RGS6: variants seen among roughly 807,000 people sequenced by gnomAD.
The protein encoded by RGS6 is regulator of G-protein signaling 6.
RGS6 carries 30 observed loss-of-function variants against 78.5 expected under a neutral mutation model. That is an observed-to-expected ratio of 0.38 (90% CI 0.29 to 0.52). The LOEUF (loss-of-function observed/expected upper bound fraction) is 0.52, where lower values mean the gene tolerates loss of function less well. Ranked by LOEUF, RGS6 falls within the 20% of genes least tolerant of loss-of-function variation. RGS6 has a pLI of 0.85. For missense variants in RGS6, 495 were observed against 609.7 expected, an observed-to-expected ratio of 0.81 and a Z score of 1.98; for synonymous variants, 206 against 206.0, an observed-to-expected ratio of 1.00 and a Z score of 0.00.
intron 9 of RGS6, among the ~76,000 whole-genome samples, chr14:72,474,238 T>C (rs2096172413): frequency 6.6e-6 from 1 of 152,124 alleles, no homozygotes; most frequent in African/African-American, 2.4e-5. Flanking sequence ...AAAAATAAAT[T>C]ATTGGTCTTC....
At chr14:71,990,227 C>T (rs899074050) in intron 2 of RGS6, among the ~76,000 whole-genome samples, 10 of 152,194 alleles carry the variant, frequency 6.6e-5, no homozygotes, top group Non-Finnish European at 7.3e-5. Context: ...CCCTAGGCCC[C>T]ACCTTCTGAC....
chr14:72,432,116 T>C (rs893989877), intron 3 of RGS6, among the ~76,000 whole-genome samples: 16 of 152,208 alleles, frequency 1.1e-4, no homozygotes, highest in African/African-American at 3.1e-4. Flanking sequence ...GCCAGGACAC[T>C]GAATGTGATT....
At chr14:72,277,973 C>T (rs1198195329) in intron 2 of RGS6, among the ~76,000 whole-genome samples, 1 of 151,980 alleles carries the variant, frequency 6.6e-6, no homozygotes, top group Admixed American at 6.6e-5. Flanking sequence ...GTCTACTTCC[C>T]CCACCCCTAA....
At chr14:72,193,646 T>A (rs1312702246) in intron 2 of RGS6, among the ~76,000 whole-genome samples, 1 of 152,064 alleles carries the variant, frequency 6.6e-6, no homozygotes, top group Non-Finnish European at 1.5e-5. Flanking sequence ...GAAAAAGAAA[T>A]GAAGGAGAAC....
chr14:72,340,637 C>G (rs774900724), intron 2 of RGS6, among the ~76,000 whole-genome samples: 24 of 152,198 alleles, frequency 1.6e-4, no homozygotes, highest in Non-Finnish European at 2.8e-4. Flanking sequence ...CAGATGCAGA[C>G]TCTTTAAGCC....
At chr14:71,896,563 C>T in the RGS6 span, among the ~76,000 whole-genome samples, 79,674 of 152,044 alleles carry the variant, frequency 0.52, 23,989 homozygotes, top group Non-Finnish European at 0.67. Flanking sequence ...CTATCTCATC[C>T]GGTGACTTAG....
At chr14:72,321,828 C>A (rs570008783) in intron 2 of RGS6, among the ~76,000 whole-genome samples, 1 of 152,050 alleles carries the variant, frequency 6.6e-6, no homozygotes, top group Admixed American at 6.5e-5. Flanking sequence ...TTACATATAT[C>A]AATCTATCCC....
chr14:72,391,017 T>G (rs1309267028), intron 3 of RGS6, among the ~76,000 whole-genome samples: 1 of 152,166 alleles, frequency 6.6e-6, no homozygotes, highest in Non-Finnish European at 1.5e-5. Flanking sequence ...GGTGTTGTCC[T>G]GGGCTGGAAG....
At chr14:72,536,560 G>T (rs2097254001) in intron 16 of RGS6, among the ~76,000 whole-genome samples, 1 of 151,868 alleles carries the variant, frequency 6.6e-6, no homozygotes, top group Non-Finnish European at 1.5e-5. Context: ...AAAGACTAAG[G>T]CCACAGTGGC....
chr14:71,906,820 A>G, the RGS6 span, among the ~76,000 whole-genome samples: 3 of 46,340 alleles, frequency 6.5e-5, no homozygotes, highest in African/African-American at 1.2e-4. Context: ...ATACTAATGT[A>G]TTCCCCACAT....
intron 17 of RGS6, chr14:72,541,492 C>A (rs868792549): frequency 7.2e-6 from 11 of 1,535,578 alleles, no homozygotes; most frequent in Middle Eastern, 1.7e-4. Context: ...ACAAGGCCTG[C>A]GGGTGCCTGG....
At chr14:72,423,776 A>T (rs1477364978) in intron 3 of RGS6, among the ~76,000 whole-genome samples, 1 of 152,222 alleles carries the variant, frequency 6.6e-6, no homozygotes, top group Non-Finnish European at 1.5e-5. Flanking sequence ...AGCGACATGC[A>T]ATTTATACAT....
downstream of RGS6, among the ~76,000 whole-genome samples, chr14:72,567,397 G>A (rs2097714715): frequency 6.6e-6 from 1 of 152,210 alleles, no homozygotes; most frequent in African/African-American, 2.4e-5. Flanking sequence ...CTTCTCAGCT[G>A]GACCATCTGG....
At chr14:72,171,364 C>T (rs890040946) in intron 2 of RGS6, among the ~76,000 whole-genome samples, 2 of 152,010 alleles carry the variant, frequency 1.3e-5, no homozygotes, top group Non-Finnish European at 2.9e-5. Context: ...AGTGGAAGAA[C>T]GTCATATACA....
intron 3 of RGS6, among the ~76,000 whole-genome samples, chr14:72,392,300 T>C (rs1438873048): frequency 6.6e-6 from 1 of 152,072 alleles, no homozygotes; most frequent in Non-Finnish European, 1.5e-5. Context: ...TGTTGGAGCT[T>C]GAAGTCCAAG....
intron 17 of RGS6, among the ~76,000 whole-genome samples, chr14:72,556,740 G>A (rs2097583300): frequency 6.6e-6 from 1 of 151,972 alleles, no homozygotes; most frequent in Non-Finnish European, 1.5e-5. Context: ...CGTTTATTTT[G>A]ATCAAATTTA....
rs1419857420 is a variant in RGS6 at position 72,278,509 on chromosome 14, C to T, written c.85-73586C>T. 3.3e-5 allele frequency among the ~76,000 whole-genome samples: 5 copies of T among 152,292 alleles called. No homozygotes were observed. In the East Asian group the frequency reaches 7.7e-4, roughly 23 times the overall value. On this transcript the variant is annotated intron_variant, in intron 2 of 17. Transcript: ENST00000553525. ...GACACATGGCAGTTAAGGCAAACAG[C>T]ACATGCCAACAATATGTTGCATGAT...
At chr14:72,385,868 G>T (rs2239220) in intron 3 of RGS6, among the ~76,000 whole-genome samples, 84,323 of 152,082 alleles carry the variant, frequency 0.55, 25,506 homozygotes, top group African/African-American at 0.8. Flanking sequence ...AAATCTAGTT[G>T]CAATCTGGTA....
chr14:72,585,076 T>C, the RGS6 span, among the ~76,000 whole-genome samples: 15 of 152,304 alleles, frequency 9.8e-5, no homozygotes, highest in East Asian at 2.9e-3. Flanking sequence ...GATATGTGCT[T>C]CTGATTGGAA....
Sources: gnomAD v4.1 joint callset for allele counts (sites outside exome capture counted in the v4.1 genomes callset) on GRCh38, gnomAD v4.1.1 for gene constraint, MANE v1.5 for transcripts, NCBI Gene and HGNC (gene_info 2026-07-23, HGNC 2026-07-21) for gene names.